The following NCAPG2 variants were observed in gnomAD, a reference collection of about 807,000 sequenced individuals.
NCAPG2 encodes condensin-2 complex subunit G2.
In NCAPG2, 53 loss-of-function variants were observed where a neutral mutation model predicts 141.1. The ratio of observed to expected loss-of-function variants is 0.38; its 90% confidence interval spans 0.30 to 0.47. NCAPG2 has a LOEUF of 0.47. Ranked by LOEUF, NCAPG2 falls within the 20% of genes least tolerant of loss-of-function variation. The pLI is 0.99. For missense variants in NCAPG2, 1,087 were observed against 1,389.0 expected (o/e 0.78, Z 3.46); for synonymous variants, 499 against 490.7 (o/e 1.02, Z -0.22).
chr7:158,659,329 CAAAAAA>C (rs34735258), intron 16 of NCAPG2, among the ~76,000 whole-genome samples: 1,156 of 85,720 alleles, frequency 0.013, 15 homozygotes, highest in African/African-American at 0.046. Flanking sequence ...GACTCCATCT[CAAAAAA>C]AAAAAAAAAA....
chr7:158,670,918 A>G (rs910681508), intron 13 of NCAPG2, among the ~76,000 whole-genome samples: 12 of 152,178 alleles, frequency 7.9e-5, no homozygotes, highest in African/African-American at 1.2e-4. Flanking sequence ...GAAAGTTCAC[A>G]ATGGTACCAA....
At chr7:158,638,123 A>G (rs1347304989) in intron 27 of NCAPG2, among the ~76,000 whole-genome samples, 1 of 152,090 alleles carries the variant, frequency 6.6e-6, no homozygotes, top group East Asian at 1.9e-4. Context: ...CAGCCTGCAT[A>G]ACAGAGGGAG....
intron 1 of NCAPG2, 175 bp from the exon 2 acceptor site, chr7:158,702,113 A>G (rs1455632472): frequency 8.5e-6 from 4 of 468,152 alleles, no homozygotes; most frequent in Non-Finnish European, 1.5e-5. Context: ...CAATTTACTT[A>G]TTTCCTTTAC....
intron 17 of NCAPG2, among the ~76,000 whole-genome samples, chr7:158,657,751 GC>G (rs1282971524): frequency 1.3e-5 from 2 of 152,172 alleles, no homozygotes; most frequent in African/African-American, 2.4e-5. Flanking sequence ...TTGGATGGTT[GC>G]CGTGTCTCTG....
At chr7:158,660,401 CTTTTTTTT>C (rs945928092) in intron 16 of NCAPG2, among the ~76,000 whole-genome samples, 17 of 72,816 alleles carry the variant, frequency 2.3e-4, no homozygotes, top group African/African-American at 7.7e-4. Flanking sequence ...TTTCAGCTTT[CTTTTTTTT>C]TTTTTTTTTT....
At position 158,645,736 on chromosome 7, in the gene NCAPG2, G is replaced by A; in HGVS notation, c.3180-117C>T. 10 of 852,742 alleles carry A rather than the reference G, an allele frequency of 1.2e-5. No individual in the cohort carries two copies. The South Asian group carries it at 1.6e-4, about 13-fold the overall frequency. The allele number at this position is 852,742 out of a possible 1,614,324, so 52.8% of individuals were successfully genotyped here. ...CAAACCCCAGTTTGCAGGGGACGTG[G>A]GAAGGTGACTGAACTCACCCCATGC... On this transcript the variant is annotated intron_variant, in intron 25 of 27. Coordinates refer to ENST00000356309, the MANE Select transcript of NCAPG2 (RefSeq NM_017760.7).
intron 25 of NCAPG2, among the ~76,000 whole-genome samples, chr7:158,646,113 G>A (rs1033570793): frequency 3.9e-5 from 6 of 152,222 alleles, no homozygotes; most frequent in South Asian, 2.1e-4. Flanking sequence ...AAATGGCACC[G>A]GTATTTAACC....
rs1196085707 is a variant in NCAPG2 at position 158,687,377 on chromosome 7, G to A, written c.738C>T (p.Thr246=). Residue 246 remains threonine, a synonymous_variant, in exon 7 of 28, where the codon ACC becomes ACT. Coordinates refer to ENST00000356309, the MANE Select transcript of NCAPG2 (RefSeq NM_017760.7). ...NINFIKMIHG[T]IKNQLQGLQK... ...GTAATCCCTGTAACTGGTTTTTAAT[G>A]GTCCCGTGGATCATTTTGATGAAGT... 2 of 1,610,190 alleles carry A rather than the reference G, an allele frequency of 1.2e-6. No individual in the cohort carries two copies.
chr7:158,692,498 G>A lies in NCAPG2; in HGVS notation c.382+344C>T, dbSNP rs538556196. ...CAAAGTATCATTTCAGGCCAGCCAC[G>A]TGGGAGGCTGAGACGGGTGGATCAC... On this transcript the variant is annotated intron_variant, in intron 4 of 27. Transcript: ENST00000356309. 2.0e-3 allele frequency among the ~76,000 whole-genome samples: 312 copies of A among 152,222 alleles called. 1 individual carries two copies. Among genetic ancestry groups the A allele is most frequent in the African/African-American group, 7.2e-3 (300 of 41,548 alleles).
chr7:158,690,759 C>G (rs746545630), intron 4 of NCAPG2, 37 bp from the exon 5 acceptor site: 1 of 1,582,014 alleles, frequency 6.3e-7, no homozygotes, highest in South Asian at 1.1e-5. Context: ...ATTAGTAAGG[C>G]AAATTCTTAT....
intron 23 of NCAPG2, 59 bp downstream of exon 23, chr7:158,652,233 AG>A (rs1831545268): frequency 1.4e-6 from 2 of 1,480,756 alleles, no homozygotes; most frequent in South Asian, 2.4e-5. Flanking sequence ...GCATCTGTGT[AG>A]GTGTAGCCAG....
intron 21 of NCAPG2, 165 bp from the exon 22 acceptor site, chr7:158,654,859 T>C: frequency 7.6e-7 from 1 of 1,317,374 alleles, no homozygotes; most frequent in East Asian, 2.6e-5. Context: ...ATTCTTGTTT[T>C]TGTAAGAAAT....
At chr7:158,681,002 G>T (rs1419997366) in intron 9 of NCAPG2, among the ~76,000 whole-genome samples, 186 bp from the exon 10 acceptor site, 1 of 152,218 alleles carries the variant, frequency 6.6e-6, no homozygotes, top group Non-Finnish European at 1.5e-5. Flanking sequence ...AGTAGTAAAT[G>T]CAGTCAATCA....
At chr7:158,656,480 G>C (rs778426235) in intron 18 of NCAPG2, 47 bp from the exon 19 acceptor site, 7 of 1,610,002 alleles carry the variant, frequency 4.3e-6, no homozygotes, top group Non-Finnish European at 5.9e-6. Context: ...CACGTCCCTA[G>C]AAAAGCATGT....
At chr7:158,655,316 T>C (rs532792500) in intron 20 of NCAPG2, 23 bp downstream of exon 20, 13 of 1,614,112 alleles carry the variant, frequency 8.1e-6, no homozygotes, top group African/African-American at 8.0e-5. Flanking sequence ...ATCATCCTAA[T>C]AGAGGGCCAG....
intron 27 of NCAPG2, among the ~76,000 whole-genome samples, chr7:158,636,488 G>A (rs1830209427): frequency 6.9e-6 from 1 of 145,592 alleles, no homozygotes; most frequent in Non-Finnish European, 1.5e-5. Context: ...CGCAACCTCT[G>A]CCTTCCGGGT....
intron 22 of NCAPG2, among the ~76,000 whole-genome samples, chr7:158,654,225 C>T (rs1485304357): frequency 6.6e-6 from 1 of 152,176 alleles, no homozygotes; most frequent in Non-Finnish European, 1.5e-5. Flanking sequence ...CCAATAATGT[C>T]TGACTCACGC....
intron 2 of NCAPG2, 102 bp downstream of exon 2, chr7:158,701,720 A>G (rs1835804722): frequency 1.9e-6 from 2 of 1,044,284 alleles, no homozygotes; most frequent in Admixed American, 4.6e-5. Context: ...GTCGCTAAGG[A>G]TTCACTGAGA....
chr7:158,692,793 A>T, intron 4 of NCAPG2, 49 bp downstream of exon 4: 1 of 1,063,888 alleles, frequency 9.4e-7, no homozygotes, highest in South Asian at 1.4e-5. Flanking sequence ...AAAAACAAGT[A>T]TTTCAACACC....
Sources: allele counts gnomAD v4.1 joint callset (sites outside exome capture counted in the v4.1 genomes callset), GRCh38; gene constraint gnomAD v4.1.1; transcripts MANE v1.5; gene names NCBI Gene and HGNC (gene_info 2026-07-23, HGNC 2026-07-21).